Variants in GPM6A observed in about 807,000 individuals in gnomAD.
GPM6A encodes the protein glycoprotein M6A.
GPM6A carries 7 observed loss-of-function variants against 32.1 expected under a neutral mutation model. The ratio of observed to expected loss-of-function variants is 0.22; its 90% CI spans 0.12 to 0.41. The LOEUF is 0.41. GPM6A is among the 10% of genes least tolerant of loss of function. The pLI, the probability that GPM6A is intolerant of heterozygous loss-of-function variation, is 1.00. For missense variants in GPM6A, 235 were observed against 347.2 expected (o/e 0.68, Z 2.57); for synonymous variants, 130 against 123.4 (o/e 1.05, Z -0.35).
chr4:175,705,911 A>G (rs1389029496), intron 1 of GPM6A, among the ~76,000 whole-genome samples: 1 of 152,162 alleles, frequency 6.6e-6, no homozygotes, highest in Non-Finnish European at 1.5e-5. Flanking sequence ...TAGGCCCATT[A>G]ATTCTCAAAT....
chr4:175,780,935 T>C (rs1733590810), intron 1 of GPM6A, among the ~76,000 whole-genome samples: 2 of 152,042 alleles, frequency 1.3e-5, no homozygotes, highest in Non-Finnish European at 2.9e-5. Context: ...GGTTAAATGA[T>C]AAAAGGTGTA....
chr4:175,700,872 T>A (rs1304357664), intron 2 of GPM6A, among the ~76,000 whole-genome samples: 1 of 152,220 alleles, frequency 6.6e-6, no homozygotes, highest in Admixed American at 6.5e-5. Context: ...TAGAATTCAA[T>A]CCCAAACCTT....
At chr4:175,989,097 T>G (rs1173513029) in intron 1 of GPM6A, among the ~76,000 whole-genome samples, 2 of 152,094 alleles carry the variant, frequency 1.3e-5, no homozygotes, top group Non-Finnish European at 2.9e-5. Flanking sequence ...CATCTAAAAA[T>G]TCATCTGCAC....
intron 1 of GPM6A, among the ~76,000 whole-genome samples, chr4:175,796,290 G>A (rs1054583294): frequency 1.3e-5 from 2 of 152,008 alleles, no homozygotes; most frequent in African/African-American, 4.8e-5. Flanking sequence ...ATGGCTTTTA[G>A]CATGGACAAG....
intron 2 of GPM6A, among the ~76,000 whole-genome samples, chr4:175,689,914 G>A (rs1272332951): frequency 6.6e-6 from 1 of 152,160 alleles, no homozygotes; most frequent in Non-Finnish European, 1.5e-5. Flanking sequence ...CAGAGCACTG[G>A]GTGTGTGTTC....
chr4:175,695,066 G>A (rs1381099122), intron 2 of GPM6A, among the ~76,000 whole-genome samples: 1 of 152,148 alleles, frequency 6.6e-6, no homozygotes, highest in African/African-American at 2.4e-5. Flanking sequence ...AGCCTGCAGG[G>A]GAGCAGAGGG....
chr4:175,861,648 G>A (rs1207252691), intron 1 of GPM6A, among the ~76,000 whole-genome samples: 1 of 151,070 alleles, frequency 6.6e-6, no homozygotes, highest in Non-Finnish European at 1.5e-5. Flanking sequence ...TTACTGGGGA[G>A]GCTGAGGCAT....
intron 4 of GPM6A, chr4:175,642,010 G>GTA (rs1262548064): frequency 6.6e-6 from 1 of 152,000 alleles, no homozygotes; most frequent in Non-Finnish European, 1.5e-5. Context: ...GTTTTAATAT[G>GTA]TATATGTATT....
intron 1 of GPM6A, among the ~76,000 whole-genome samples, chr4:175,972,345 G>A (rs965637883): frequency 2.0e-5 from 3 of 152,006 alleles, no homozygotes; most frequent in African/African-American, 4.8e-5. Flanking sequence ...GCAAAATCAC[G>A]GATGATTGTT....
upstream of GPM6A, chr4:175,813,021 G>A: frequency 1.0e-6 from 1 of 984,050 alleles, no homozygotes; most frequent in Non-Finnish European, 1.2e-6. Context: ...AAAGCTCTAA[G>A]CCTGAGAGAT....
intron 1 of GPM6A, among the ~76,000 whole-genome samples, chr4:175,799,869 T>C (rs1462294814): frequency 1.3e-5 from 2 of 151,866 alleles, no homozygotes; most frequent in Admixed American, 1.3e-4. Flanking sequence ...AGAGACGGGG[T>C]TTCACCTTGT....
intron 2 of GPM6A, among the ~76,000 whole-genome samples, chr4:175,674,268 G>C (rs7676473): frequency 0.79 from 120,545 of 152,114 alleles, 49,551 homozygotes; most frequent in Non-Finnish European, 0.9. Flanking sequence ...ACTTCTGCCT[G>C]CCGTGTTCAA....
intron 1 of GPM6A, among the ~76,000 whole-genome samples, chr4:175,965,678 A>G (rs866800380): frequency 1.3e-5 from 2 of 151,578 alleles, no homozygotes; most frequent in African/African-American, 4.9e-5. Context: ...CAGTGGTGCA[A>G]TCTTGGCTCA....
Position 175,865,483 on chromosome 4 carries a change from A to G in GPM6A, c.-22-53234T>C, listed in dbSNP as rs145176311. ...TACAAAAAATCTGAGTGGGTTCTTGATTGGTATTTCATTGAATCTATAGAT... is the reference window on the plus strand; with the variant it reads ...TACAAAAAATCTGAGTGGGTTCTTGGTTGGTATTTCATTGAATCTATAGAT... On this transcript the variant is annotated intron_variant, in intron 1 of 7. Transcript: ENST00000280187. Among the ~76,000 whole-genome samples the G allele has an allele frequency of 1.5e-3, 227 of 152,302 alleles. 4 individuals are homozygous for G. The East Asian group carries it at 0.037, about 25-fold the overall frequency.
chr4:175,982,816 G>C (rs993307520), intron 1 of GPM6A, among the ~76,000 whole-genome samples: 3 of 152,024 alleles, frequency 2.0e-5, no homozygotes, highest in African/African-American at 4.8e-5. Flanking sequence ...TCTATAGATA[G>C]GTTTAGAGAG....
chr4:175,894,801 T>G (rs1737748082), intron 1 of GPM6A, among the ~76,000 whole-genome samples: 1 of 146,462 alleles, frequency 6.8e-6, no homozygotes, highest in Non-Finnish European at 1.5e-5. Flanking sequence ...ACACAAAATA[T>G]TATACAAAGA....
chr4:175,759,491 T>G (rs1039057374), intron 1 of GPM6A, among the ~76,000 whole-genome samples: 2 of 152,208 alleles, frequency 1.3e-5, no homozygotes, highest in Non-Finnish European at 2.9e-5. Context: ...GTCTTTTCCT[T>G]TTCCTTAAAA....
chr4:175,745,918 AC>A (rs1732086127), intron 1 of GPM6A, among the ~76,000 whole-genome samples: 1 of 152,126 alleles, frequency 6.6e-6, no homozygotes, highest in African/African-American at 2.4e-5. Context: ...TAGAGAGATC[AC>A]GCTGTTTATA....
intron 3 of GPM6A, chr4:175,654,415 T>A (rs1309428772): frequency 1.3e-5 from 2 of 152,182 alleles, no homozygotes; most frequent in Non-Finnish European, 2.9e-5. Flanking sequence ...AGATAATGCA[T>A]GAAAAGCATT....
Sources: allele counts gnomAD v4.1 joint callset (sites outside exome capture counted in the v4.1 genomes callset), GRCh38; gene constraint gnomAD v4.1.1; transcripts MANE v1.5; gene names NCBI Gene and HGNC (gene_info 2026-07-23, HGNC 2026-07-21).